EZH2: variants seen among roughly 807,000 people sequenced by gnomAD.
The protein encoded by EZH2 is enhancer of zeste 2 polycomb repressive complex 2 subunit.
In EZH2, 18 loss-of-function variants were observed where a neutral mutation model predicts 98.4. The observed-to-expected ratio is 0.18, with a 90% CI of 0.13 to 0.27. The LOEUF is 0.27. Among genes scored for constraint, EZH2 ranks in the 10% least tolerant of loss-of-function variants. The pLI, the probability that EZH2 is intolerant of heterozygous loss-of-function variation, is 1.00. For synonymous variants in EZH2, 338 were observed against 312.3 expected (o/e 1.08, Z -0.87); for missense variants, 470 against 935.1 (o/e 0.50, Z 6.49).
intron 17 of EZH2, chr7:148,810,069 G>A (rs1045644619): frequency 2.3e-5 from 8 of 352,872 alleles, no homozygotes; most frequent in East Asian, 4.1e-5. Context: ...AGAGCACAAC[G>A]TCCCCTTCAC....
chr7:148,834,290 G>A (rs943827810), intron 3 of EZH2, among the ~76,000 whole-genome samples: 1 of 148,024 alleles, frequency 6.8e-6, no homozygotes. Context: ...CACAATCAAT[G>A]AAAATAGAGC....
chr7:148,826,493 A>C lies in EZH2; in HGVS notation c.868T>G (p.Phe290Val). 6.2e-7 allele frequency: 1 copy of C among 1,600,610 alleles called. No homozygotes were observed. The highest frequency in any genetic ancestry group is 8.5e-7 in the Non-Finnish European group (1 of 1,172,328). ...SFHTLFCRRC[F>V]KYDCFLHRKC... ...CGATGTAGGAAGCAGTCATATTTAA[A>C]ACATCGCCTACAGAAAAGCGTATGA... The change falls in exon 8 of 20, where the codon TTT becomes GTT. Residue 290 changes from phenylalanine to valine, a missense_variant. Phe to Val is a conservative substitution (Grantham distance 50, BLOSUM62 -1). Around this residue, in one of 6 missense-constraint regions of EZH2, gnomAD observed 192 missense variants for 306.8 expected, o/e 0.63. Transcript: ENST00000320356.
chr7:148,811,338 A>G (rs931441737), intron 16 of EZH2, among the ~76,000 whole-genome samples: 2 of 152,208 alleles, frequency 1.3e-5, no homozygotes, highest in African/African-American at 4.8e-5. Context: ...TTTTGTAGCA[A>G]TGGGGTCTTG....
intron 1 of EZH2, among the ~76,000 whole-genome samples, chr7:148,868,623 T>C (rs1818881989): frequency 6.6e-6 from 1 of 152,048 alleles, no homozygotes; most frequent in Non-Finnish European, 1.5e-5. Flanking sequence ...AGAACTTCCA[T>C]ATGGGAAAAG....
chr7:148,815,508 T>C lies in EZH2; in HGVS notation c.1544A>G (p.Lys515Arg), dbSNP rs2129470288. The change falls in exon 13 of 20, where the codon AAG becomes AGG. Residue 515 changes from lysine (K) to arginine (R), a missense_variant and splice_region_variant. Lys to Arg is a conservative substitution (Grantham distance 26). Around this residue, in one of 6 missense-constraint regions of EZH2, gnomAD observed 106 missense variants for 327.2 expected, o/e 0.32. Coordinates refer to ENST00000320356, the MANE Select transcript of EZH2 (RefSeq NM_004456.5). ...AAHCRKIQLK[K>R]DGSSNHVYNY... is the part of the protein sequence containing the mutation. ...GAGAGGAATGGAAAGATGCTAACCC[T>C]TTTTCAGCTGTATCTTTCTGCAGTG... 1 of 1,611,378 alleles carries C rather than the reference T, an allele frequency of 6.2e-7. No individual in the cohort carries two copies. Among genetic ancestry groups the C allele is most frequent in the Non-Finnish European group, 8.5e-7 (1 of 1,177,482 alleles).
At chr7:148,879,393 T>C (rs565956904) in intron 1 of EZH2, among the ~76,000 whole-genome samples, 1 of 151,152 alleles carries the variant, frequency 6.6e-6, no homozygotes, top group African/African-American at 2.4e-5. Context: ...TCTACTAAAA[T>C]ATAAAAATTA....
At chr7:148,824,097 T>C (rs1421095539) in intron 8 of EZH2, among the ~76,000 whole-genome samples, 1 of 151,964 alleles carries the variant, frequency 6.6e-6, no homozygotes, top group East Asian at 1.9e-4. Flanking sequence ...GGTGGATCAC[T>C]TGAGGTCAGG....
intron 19 of EZH2, among the ~76,000 whole-genome samples, chr7:148,808,605 G>T (rs1368711870): frequency 1.3e-5 from 2 of 152,186 alleles, no homozygotes; most frequent in Non-Finnish European, 2.9e-5. Context: ...TTTGCCAACA[G>T]CCCCTTTTAA....
chr7:148,816,249 G>C (rs577851961), intron 12 of EZH2, among the ~76,000 whole-genome samples: 1 of 152,270 alleles, frequency 6.6e-6, no homozygotes, highest in East Asian at 1.9e-4. Flanking sequence ...CAAGCTTAAA[G>C]TAGGGTACCC....
rs536105137 is a variant in EZH2 at position 148,862,987 on chromosome 7, G to A, written c.-7-15682C>T. Among the ~76,000 whole-genome samples, 4 of 150,058 alleles carry A rather than the reference G, an allele frequency of 2.7e-5. No individual in the cohort carries two copies. The East Asian group carries it at 7.8e-4, about 29-fold the overall frequency. ...ATGAAAATAGTTTCTGGGAGGTTGA[G>A]ACACAAGAATCACTTGAACCTGGGA... On this transcript the variant is annotated intron_variant, in intron 1 of 19. Transcript: ENST00000320356.
intron 3 of EZH2, among the ~76,000 whole-genome samples, chr7:148,840,689 T>C (rs1447631766): frequency 1.2e-4 from 19 of 152,152 alleles, no homozygotes; most frequent in Non-Finnish European, 2.9e-5. Context: ...CTGCCCAGCC[T>C]TTCCAAAATG....
At chr7:148,867,760 G>A (rs951483075) in intron 1 of EZH2, among the ~76,000 whole-genome samples, 2 of 152,088 alleles carry the variant, frequency 1.3e-5, no homozygotes, top group Non-Finnish European at 2.9e-5. Context: ...TTAAGTTCCA[G>A]TTTCAGGTCA....
In EZH2 at chr7:148,819,635, T is replaced by C. The variant is rs767688123; in HGVS notation, c.960A>G (p.Leu320=). 4 of 1,614,160 alleles carry C rather than the reference T, an allele frequency of 2.5e-6. No homozygotes were observed. The highest frequency in any genetic ancestry group is 3.4e-6 in the Non-Finnish European group (4 of 1,179,980). Residue 320 remains leucine (L), a synonymous_variant, in exon 9 of 20, where the codon CTA becomes CTG. Coordinates refer to ENST00000320356, the MANE Select transcript of EZH2 (RefSeq NM_004456.5). ...ACTGTGGTCCACAAGGTTTGTTGTC[T>C]AGAGCTGTTTCTGTGTTCTTCCGCT... The part of the protein sequence containing the change: ...TYKRKNTETA[L]DNKPCGPQCY...
intron 1 of EZH2, among the ~76,000 whole-genome samples, chr7:148,856,126 C>T (rs1816800002): frequency 6.6e-6 from 1 of 152,034 alleles, no homozygotes; most frequent in Non-Finnish European, 1.5e-5. Flanking sequence ...ATGAGATAAT[C>T]TCATGGAAGG....
chr7:148,839,085 G>T (rs1405353806), intron 3 of EZH2, among the ~76,000 whole-genome samples: 11 of 148,396 alleles, frequency 7.4e-5, no homozygotes, highest in African/African-American at 2.9e-4. Flanking sequence ...AGGAAGGAAG[G>T]AAGGAAGGAA....
intron 1 of EZH2, among the ~76,000 whole-genome samples, chr7:148,849,861 T>TA (rs1242458609): frequency 6.6e-6 from 1 of 152,186 alleles, no homozygotes; most frequent in Non-Finnish European, 1.5e-5. Flanking sequence ...AGGAATCAGA[T>TA]AAAAAGGAAT....
At chr7:148,875,340 G>GAAC (rs979325307) in intron 1 of EZH2, among the ~76,000 whole-genome samples, 3 of 151,996 alleles carry the variant, frequency 2.0e-5, no homozygotes, top group Non-Finnish European at 4.4e-5. Flanking sequence ...AAACAAAAAT[G>GAAC]AACAATAAAA....
intron 8 of EZH2, among the ~76,000 whole-genome samples, chr7:148,824,613 TAAC>T (rs944101278): frequency 5.2e-4 from 79 of 152,206 alleles, no homozygotes; most frequent in African/African-American, 1.8e-3. Context: ...CAAAATCACC[TAAC>T]AACACATTTC....
In EZH2 at chr7:148,866,325, ACC is replaced by A. The variant is rs1211249093; in HGVS notation, c.-8+17837_-8+17838del. Among the ~76,000 whole-genome samples, 3 of 151,742 alleles carry A rather than the reference ACC, an allele frequency of 2.0e-5. No individual in the cohort carries two copies. The East Asian group carries it at 5.8e-4, about 29-fold the overall frequency. On this transcript the variant is annotated intron_variant, in intron 1 of 19. Transcript: ENST00000320356. ...GATGGGGCCTTTCAGAGGTGATTAG[ACC>A]ACGACGGTTCCTGCCTTGTGAATGC...
Sources: gnomAD v4.1 joint callset for allele counts (sites outside exome capture counted in the v4.1 genomes callset) on GRCh38, gnomAD v4.1.1 for gene constraint, gnomAD v4.1.1 regional missense constraint, MANE v1.5 for transcripts, NCBI Gene and HGNC (gene_info 2026-07-23, HGNC 2026-07-21) for gene names.